The following RCL1 variants were observed in gnomAD, a reference collection of about 807,000 sequenced individuals.
The protein encoded by RCL1 is RNA 3'-terminal phosphate cyclase-like protein.
Under a neutral mutation model 42.4 loss-of-function variants are expected in RCL1, and 24 were observed. That is an observed-to-expected ratio of 0.57 (90% CI 0.41 to 0.80). The LOEUF (loss-of-function observed/expected upper bound fraction) is 0.80. Among genes scored for constraint, RCL1 ranks in the 30% least tolerant of loss-of-function variants. RCL1 has a pLI of 0.00. For missense variants in RCL1, 578 were observed against 467.9 expected (o/e 1.24, Z -2.17); for synonymous variants, 228 against 177.3 (o/e 1.29, Z -2.27).
chr9:4,829,669 A>G (rs141575660), intron 3 of RCL1, among the ~76,000 whole-genome samples: 2 of 152,092 alleles, frequency 1.3e-5, no homozygotes, highest in East Asian at 3.9e-4. Context: ...TTCATCTTTC[A>G]CGTGTTTTTC....
At chr9:4,825,843 G>T (rs544543649) in intron 2 of RCL1, among the ~76,000 whole-genome samples, 4 of 152,176 alleles carry the variant, frequency 2.6e-5, no homozygotes, top group African/African-American at 9.6e-5. Context: ...CCAGGCACAA[G>T]GTGGTTCATG....
chr9:4,852,090 C>A (rs1817773682), intron 8 of RCL1, among the ~76,000 whole-genome samples: 1 of 152,052 alleles, frequency 6.6e-6, no homozygotes, highest in South Asian at 2.1e-4. Flanking sequence ...ACCATGTTAG[C>A]CAGGATGGTC....
At chr9:4,812,261 G>T (rs1472553900) in intron 1 of RCL1, among the ~76,000 whole-genome samples, 1 of 152,020 alleles carries the variant, frequency 6.6e-6, no homozygotes, top group Non-Finnish European at 1.5e-5. Flanking sequence ...TGTTTGCCCA[G>T]AGTAAACGTC....
intron 2 of RCL1, among the ~76,000 whole-genome samples, chr9:4,824,962 A>G (rs1248946988): frequency 6.6e-6 from 1 of 152,104 alleles, no homozygotes; most frequent in East Asian, 1.9e-4. Context: ...ACTAGGCTGG[A>G]GTGCAGTGGT....
intron 8 of RCL1, among the ~76,000 whole-genome samples, chr9:4,857,437 C>G (rs566149457): frequency 3.5e-5 from 5 of 143,148 alleles, no homozygotes; most frequent in African/African-American, 1.4e-4. Flanking sequence ...CGTATCAGTG[C>G]TTTGTTCCTT....
chr9:4,845,869 G>C (rs1297352821), intron 7 of RCL1, among the ~76,000 whole-genome samples: 1 of 152,164 alleles, frequency 6.6e-6, no homozygotes, highest in Non-Finnish European at 1.5e-5. Flanking sequence ...TCTTTGTATT[G>C]TTCTGTGTAT....
intron 1 of RCL1, among the ~76,000 whole-genome samples, chr9:4,797,658 A>G (rs1332719193): frequency 6.6e-6 from 1 of 152,222 alleles, no homozygotes; most frequent in Non-Finnish European, 1.5e-5. Context: ...TGATGTAGAA[A>G]AACCCTGGCC....
chr9:4,822,843 T>A (rs1816638688), intron 1 of RCL1, among the ~76,000 whole-genome samples: 2 of 152,020 alleles, frequency 1.3e-5, no homozygotes, highest in Admixed American at 6.6e-5. Flanking sequence ...ACTTTTAATA[T>A]AAAATTAAAT....
intron 3 of RCL1, among the ~76,000 whole-genome samples, chr9:4,830,007 A>G (rs570860269): frequency 6.6e-6 from 1 of 152,136 alleles, no homozygotes; most frequent in Non-Finnish European, 1.5e-5. Flanking sequence ...AGGAGAAATG[A>G]GTGTTTAAGG....
intron 8 of RCL1, among the ~76,000 whole-genome samples, chr9:4,850,555 G>T (rs1404727950): frequency 1.4e-5 from 2 of 142,146 alleles, no homozygotes; most frequent in Admixed American, 7.3e-5. Context: ...AAATGGAAGA[G>T]AATACATTCT....
Position 4,860,538 on chromosome 9 carries a change from C to G in RCL1, c.*263C>G, listed in dbSNP as rs558257005. On this transcript the variant is annotated 3_prime_UTR_variant, in exon 9 of 9. Transcript: ENST00000381750. ...CTTACCTGGAGGAAGAATGTGCCTT[C>G]AGGCCACAGTCGTGCTGCTAGAACA... 2 of 428,332 alleles carry G rather than the reference C, an allele frequency of 4.7e-6. No homozygotes were observed. Among genetic ancestry groups the G allele is most frequent in the Non-Finnish European group, 8.2e-6 (2 of 243,826 alleles). 26.5% of individuals were successfully genotyped at this position (428,332 alleles called of 1,614,324 possible). A position where few individuals can be genotyped will look rare whatever the true frequency, so the allele number is the denominator to read the frequency against.
intron 1 of RCL1, among the ~76,000 whole-genome samples, chr9:4,815,154 C>T (rs112655087): frequency 6.6e-6 from 1 of 152,092 alleles, no homozygotes; most frequent in African/African-American, 2.4e-5. Flanking sequence ...TATGTTCATA[C>T]CTCTTATCAG....
rs184084449 is a variant in RCL1 at position 4,839,892 on chromosome 9, G to C, written c.585-1340G>C. ...CAAGTGGAGCTAACACTTGGGTGCC[G>C]GCTGGAGGGTTTCAGGAGAGAGATT... On this transcript the variant is annotated intron_variant, in intron 5 of 8. Coordinates refer to ENST00000381750, the MANE Select transcript of RCL1 (RefSeq NM_005772.5). 2.7e-3 allele frequency: 2,698 copies of C among 985,622 alleles called. 59 individuals are homozygous for C. In the African/African-American group the frequency reaches 0.044, roughly 16 times the overall value. 61.1% of individuals were successfully genotyped at this position (985,622 alleles called of 1,614,324 possible). A position where few individuals can be genotyped will look rare whatever the true frequency, so the allele number is the denominator to read the frequency against.
intron 1 of RCL1, among the ~76,000 whole-genome samples, chr9:4,815,957 C>T (rs1816361113): frequency 6.6e-6 from 1 of 152,000 alleles, no homozygotes; most frequent in Non-Finnish European, 1.5e-5. Context: ...AGAAGCTTGG[C>T]ATTTCCTTCT....
At chr9:4,830,888 G>T (rs1816921228) in intron 3 of RCL1, among the ~76,000 whole-genome samples, 1 of 152,076 alleles carries the variant, frequency 6.6e-6, no homozygotes, top group Admixed American at 6.5e-5. Context: ...TGCCACTTAG[G>T]GTTTGATCTT....
intron 1 of RCL1, chr9:4,803,739 G>A (rs1330992034): frequency 6.3e-6 from 1 of 158,148 alleles, no homozygotes; most frequent in Non-Finnish European, 1.4e-5. Context: ...AAAAAAAAAA[G>A]CTACTGAATT....
At chr9:4,821,139 T>C (rs1816584580) in intron 1 of RCL1, among the ~76,000 whole-genome samples, 1 of 152,024 alleles carries the variant, frequency 6.6e-6, no homozygotes, top group South Asian at 2.1e-4. Context: ...TGTGGAACCT[T>C]TAGGTTGTGT....
At chr9:4,798,974 C>G (rs1486242182) in intron 1 of RCL1, among the ~76,000 whole-genome samples, 1 of 150,172 alleles carries the variant, frequency 6.7e-6, no homozygotes, top group Admixed American at 6.6e-5. Flanking sequence ...AAATGCCTTG[C>G]CTTTTCTTTT....
intron 3 of RCL1, among the ~76,000 whole-genome samples, chr9:4,831,511 CTG>C (rs1166785772): frequency 5.9e-5 from 9 of 152,180 alleles, no homozygotes; most frequent in Non-Finnish European, 1.0e-4. Flanking sequence ...GGGTCTCACT[CTG>C]TCTCCCAGGC....
Sources: gnomAD v4.1 joint callset for allele counts (sites outside exome capture counted in the v4.1 genomes callset) on GRCh38, gnomAD v4.1.1 for gene constraint, MANE v1.5 for transcripts, NCBI Gene and HGNC (gene_info 2026-07-23, HGNC 2026-07-21) for gene names.